KLHL32: variants seen among roughly 807,000 people sequenced by gnomAD.
KLHL32 encodes the protein kelch like family member 32.
In KLHL32, 35 loss-of-function variants were observed where a neutral mutation model predicts 64.8. That is an observed-to-expected ratio of 0.54 (90% confidence interval 0.41 to 0.72). The LOEUF is 0.72. Ranked by LOEUF, KLHL32 falls within the 30% of genes least tolerant of loss-of-function variation. The pLI is 0.00. For missense variants in KLHL32, 589 were observed against 768.5 expected, an observed-to-expected ratio of 0.77 and a Z score of 2.76; for synonymous variants, 259 against 281.0, an observed-to-expected ratio of 0.92 and a Z score of 0.78.
At chr6:96,918,487 C>T in the KLHL32 span, among the ~76,000 whole-genome samples, 2 of 152,146 alleles carry the variant, frequency 1.3e-5, no homozygotes, top group African/African-American at 4.8e-5. Context: ...TCAATTCACA[C>T]ATTACTACTG....
At chr6:97,127,910 A>G (rs1799040943) in intron 8 of KLHL32, among the ~76,000 whole-genome samples, 2 of 152,206 alleles carry the variant, frequency 1.3e-5, no homozygotes, top group African/African-American at 4.8e-5. Context: ...GTTTTCATCT[A>G]ACAGCTGGGG....
intron 4 of KLHL32, among the ~76,000 whole-genome samples, chr6:97,050,952 G>A (rs1046035658): frequency 1.3e-5 from 2 of 152,146 alleles, no homozygotes; most frequent in Non-Finnish European, 2.9e-5. Flanking sequence ...GCAGTGAGCC[G>A]AGATCATGCC....
intron 5 of KLHL32, among the ~76,000 whole-genome samples, chr6:97,070,798 A>T (rs987888358): frequency 6.6e-6 from 1 of 152,206 alleles, no homozygotes; most frequent in African/African-American, 2.4e-5. Flanking sequence ...GCTAGAGTTC[A>T]GAATCAATAA....
chr6:96,936,518 ACAGT>A (rs1263173533), intron 1 of KLHL32, among the ~76,000 whole-genome samples: 1 of 152,170 alleles, frequency 6.6e-6, no homozygotes, highest in Non-Finnish European at 1.5e-5. Flanking sequence ...TTACATCCAA[ACAGT>A]CAGGAAATTC....
intron 5 of KLHL32, among the ~76,000 whole-genome samples, chr6:97,074,912 G>A (rs1791359123): frequency 6.6e-6 from 1 of 151,216 alleles, no homozygotes; most frequent in Non-Finnish European, 1.5e-5. Flanking sequence ...ATATTCATTG[G>A]CAATCTCCTT....
At chr6:97,002,490 T>G (rs1779154278) in intron 3 of KLHL32, among the ~76,000 whole-genome samples, 1 of 152,196 alleles carries the variant, frequency 6.6e-6, no homozygotes, top group Non-Finnish European at 1.5e-5. Context: ...TTTTGCACTT[T>G]TAGGGTCAGG....
intron 1 of KLHL32, among the ~76,000 whole-genome samples, chr6:96,927,071 A>G (rs1006015702): frequency 3.3e-5 from 5 of 152,214 alleles, no homozygotes; most frequent in Non-Finnish European, 5.9e-5. Context: ...AACAGGTTCA[A>G]AAATTTTTTG....
At chr6:97,100,166 T>C (rs1244527110) in intron 6 of KLHL32, among the ~76,000 whole-genome samples, 3 of 151,946 alleles carry the variant, frequency 2.0e-5, no homozygotes, top group Non-Finnish European at 4.4e-5. Flanking sequence ...TAAATATATA[T>C]ATATAAATTG....
chr6:96,946,173 GA>G (rs202220717), intron 1 of KLHL32, among the ~76,000 whole-genome samples: 3 of 147,820 alleles, frequency 2.0e-5, no homozygotes, highest in Admixed American at 6.7e-5. Context: ...GTTTATTTAG[GA>G]AAAAAATATT....
chr6:96,927,274 G>A (rs937801599), intron 1 of KLHL32, among the ~76,000 whole-genome samples: 1 of 152,156 alleles, frequency 6.6e-6, no homozygotes, highest in South Asian at 2.1e-4. Context: ...ATAGGAAGAC[G>A]TAGGATTGGT....
chr6:96,932,254 A>G (rs762228973), intron 1 of KLHL32, among the ~76,000 whole-genome samples: 2 of 87,284 alleles, frequency 2.3e-5, no homozygotes, highest in African/African-American at 8.3e-5. Flanking sequence ...TATGGAATCA[A>G]TGTTTTTTTT....
intron 3 of KLHL32, among the ~76,000 whole-genome samples, chr6:97,027,308 C>T (rs1314772624): frequency 6.6e-6 from 1 of 152,164 alleles, no homozygotes; most frequent in African/African-American, 2.4e-5. Context: ...AGATCCTGAC[C>T]ACTCTCACTT....
chr6:97,064,849 T>TA lies in KLHL32; in HGVS notation c.411+124dup, dbSNP rs1406322349. On this transcript the variant is annotated intron_variant, in intron 5 of 10. Transcript: ENST00000369261. ...GGGGGTGGGGTGTGGGCTGTGGTAG[T>TA]AGAGTTTCTCCAGGACACAAGCTGA... The TA allele has an allele frequency of 2.3e-5, 17 of 734,876 alleles. No individual in the cohort carries two copies. In the African/African-American group the frequency reaches 3.0e-4, roughly 13 times the overall value. The allele number at this position is 734,876 out of a possible 1,614,324, so 45.5% of individuals were successfully genotyped here.
intron 3 of KLHL32, among the ~76,000 whole-genome samples, chr6:96,978,798 C>T (rs1490047704): frequency 2.0e-5 from 3 of 152,226 alleles, no homozygotes; most frequent in Non-Finnish European, 4.4e-5. Flanking sequence ...GCAACCTCTC[C>T]ATCATCTGCT....
chr6:96,974,771 A>G lies in KLHL32; in HGVS notation c.24-1226A>G, dbSNP rs961749236. The stretch of plus-strand genomic sequence containing the variant: ...CCACAGGCTGAGCAGAGCCCTGCCA[A>G]ATAAACCCACCATGCAAACTAGGCT... On this transcript the variant is annotated intron_variant, in intron 2 of 10. Coordinates refer to ENST00000369261, the MANE Select transcript of KLHL32 (RefSeq NM_052904.4). Among the ~76,000 whole-genome samples, 38 of 152,256 alleles carry G rather than the reference A, an allele frequency of 2.5e-4. 1 individual carries two copies. The highest frequency in any genetic ancestry group is 2.4e-3 in the Admixed American group (36 of 15,284).
At chr6:97,009,360 A>G (rs1312290237) in intron 3 of KLHL32, among the ~76,000 whole-genome samples, 1 of 152,110 alleles carries the variant, frequency 6.6e-6, no homozygotes, top group Non-Finnish European at 1.5e-5. Context: ...ATTTTTCGCA[A>G]GGCTTTGCTT....
intron 5 of KLHL32, among the ~76,000 whole-genome samples, chr6:97,084,385 GC>G (rs1268160596): frequency 6.6e-6 from 1 of 152,152 alleles, no homozygotes; most frequent in Non-Finnish European, 1.5e-5. Flanking sequence ...TAATTGTAGA[GC>G]CCTGGCTATG....
intron 7 of KLHL32, among the ~76,000 whole-genome samples, chr6:97,121,292 G>T (rs1301501777): frequency 6.6e-6 from 1 of 152,132 alleles, no homozygotes; most frequent in Non-Finnish European, 1.5e-5. Flanking sequence ...GACAGTGAAG[G>T]TCTGCAAAAT....
chr6:96,978,857 T>C (rs1775992251), intron 3 of KLHL32, among the ~76,000 whole-genome samples: 1 of 152,244 alleles, frequency 6.6e-6, no homozygotes, highest in Non-Finnish European at 1.5e-5. Flanking sequence ...TGAGATAGTA[T>C]CTCATTGTGG....
Sources: allele counts gnomAD v4.1 joint callset (sites outside exome capture counted in the v4.1 genomes callset), GRCh38; gene constraint gnomAD v4.1.1; transcripts MANE v1.5; gene names NCBI Gene and HGNC (gene_info 2026-07-23, HGNC 2026-07-21).